The following TP63 variants were observed in gnomAD, a reference collection of about 807,000 sequenced individuals.
TP63 encodes the protein tumor protein 63.
A neutral mutation model predicts 82.8 loss-of-function variants in TP63; 17 were observed. The observed-to-expected ratio is 0.21, with a 90% CI of 0.14 to 0.31. The LOEUF (loss-of-function observed/expected upper bound fraction) is 0.31, where lower values mean the gene tolerates loss of function less well. Among genes scored for constraint, TP63 ranks in the 10% least tolerant of loss-of-function variants. The probability of loss-of-function intolerance (pLI) is 1.00; values close to 1 mark genes in which losing one functional copy is unlikely to be tolerated. For synonymous variants in TP63, 330 were observed against 321.7 expected (o/e 1.03, Z -0.28); for missense variants, 648 against 895.3 (o/e 0.72, Z 3.52).
chr3:189,868,548 A>C (rs746193666), intron 7 of TP63, 32 bp from the exon 8 acceptor site: 1 of 1,613,164 alleles, frequency 6.2e-7, no homozygotes, highest in South Asian at 1.1e-5. Context: ...CTTTGAATTT[A>C]ACTCTTTCTT....
intron 1 of TP63, among the ~76,000 whole-genome samples, chr3:189,639,444 C>T (rs1301422546): frequency 1.3e-5 from 2 of 152,150 alleles, no homozygotes; most frequent in Admixed American, 6.6e-5. Context: ...GCCTTCCATT[C>T]TCTACTTAAT....
chr3:189,730,860 A>G (rs1157869587), intron 1 of TP63, among the ~76,000 whole-genome samples: 1 of 152,118 alleles, frequency 6.6e-6, no homozygotes, highest in African/African-American at 2.4e-5. Flanking sequence ...ACTAAGTGCT[A>G]TTTTATTTTG....
chr3:189,669,737 A>G (rs556210419), intron 1 of TP63, among the ~76,000 whole-genome samples: 281 of 152,208 alleles, frequency 1.8e-3, no homozygotes, highest in African/African-American at 6.5e-3. Flanking sequence ...GAGATACAGA[A>G]TATTAGTCCT....
At chr3:189,856,213 G>C (rs1005262078) in intron 4 of TP63, among the ~76,000 whole-genome samples, 1 of 151,130 alleles carries the variant, frequency 6.6e-6, no homozygotes, top group Non-Finnish European at 1.5e-5. Context: ...ATAAGTTTGA[G>C]CTAGAAATGG....
chr3:189,682,264 TG>T (rs1715978324), intron 1 of TP63, among the ~76,000 whole-genome samples: 1 of 151,296 alleles, frequency 6.6e-6, no homozygotes, highest in Non-Finnish European at 1.5e-5. Flanking sequence ...AAATGACCAA[TG>T]CATATATGAA....
chr3:189,675,878 A>T (rs531926618), intron 1 of TP63, among the ~76,000 whole-genome samples: 1 of 152,288 alleles, frequency 6.6e-6, no homozygotes, highest in African/African-American at 2.4e-5. Context: ...TGTGTTAATT[A>T]GCTCTTCTGA....
intron 1 of TP63, among the ~76,000 whole-genome samples, chr3:189,681,567 A>G (rs375762680): frequency 3.3e-5 from 5 of 152,160 alleles, no homozygotes; most frequent in Non-Finnish European, 7.3e-5. Context: ...GCCAGGCTCT[A>G]TATTTCAGCT....
chr3:189,772,362 C>T (rs1723443247), intron 3 of TP63, among the ~76,000 whole-genome samples: 1 of 152,152 alleles, frequency 6.6e-6, no homozygotes, highest in African/African-American at 2.4e-5. Context: ...GTGATGGAGC[C>T]AGTCTAGAAT....
At chr3:189,785,942 G>A (rs1724567535) in intron 3 of TP63, among the ~76,000 whole-genome samples, 1 of 151,868 alleles carries the variant, frequency 6.6e-6, no homozygotes, top group Non-Finnish European at 1.5e-5. Flanking sequence ...TTGATTGTCA[G>A]CCCCTGTACC....
intron 1 of TP63, among the ~76,000 whole-genome samples, chr3:189,671,676 A>G (rs1215575541): frequency 6.6e-6 from 1 of 152,126 alleles, no homozygotes; most frequent in Non-Finnish European, 1.5e-5. Flanking sequence ...AGAACTTATG[A>G]TACATATACA....
At chr3:189,614,609 G>C in the TP63 span, among the ~76,000 whole-genome samples, 2 of 152,106 alleles carry the variant, frequency 1.3e-5, no homozygotes, top group South Asian at 4.1e-4. Flanking sequence ...AGTAATATGT[G>C]TACACACACA....
intron 4 of TP63, among the ~76,000 whole-genome samples, chr3:189,848,432 T>G (rs757761273): frequency 6.6e-6 from 1 of 151,726 alleles, no homozygotes; most frequent in Non-Finnish European, 1.5e-5. Flanking sequence ...TTGCCCAGAC[T>G]GGTCTCAAAT....
intron 12 of TP63, 133 bp downstream of exon 12, chr3:189,889,617 A>G (rs1720814680): frequency 1.6e-6 from 2 of 1,226,314 alleles, no homozygotes; most frequent in Non-Finnish European, 2.3e-6. Context: ...AGTCACTATT[A>G]TCTCTGATCT....
At chr3:189,651,129 T>C (rs1306953603) in intron 1 of TP63, among the ~76,000 whole-genome samples, 1 of 147,260 alleles carries the variant, frequency 6.8e-6, no homozygotes, top group Non-Finnish European at 1.5e-5. Context: ...CTGTGTGACA[T>C]TGAACTTGAG....
At chr3:189,879,494 G>A (rs1719670245) in intron 10 of TP63, among the ~76,000 whole-genome samples, 1 of 152,088 alleles carries the variant, frequency 6.6e-6, no homozygotes, top group African/African-American at 2.4e-5. Context: ...ACAGTTCTTT[G>A]TAAATGCCTG....
Position 189,790,970 on chromosome 3 carries a change from A to T in TP63, c.325-17302A>T, listed in dbSNP as rs571661314. Among the ~76,000 whole-genome samples, 12 of 152,290 alleles carry T rather than the reference A, an allele frequency of 7.9e-5. 1 individual carries two copies. The South Asian group carries it at 2.5e-3, about 32-fold the overall frequency. On this transcript the variant is annotated intron_variant, in intron 3 of 13. Coordinates refer to ENST00000264731, the MANE Select transcript of TP63 (RefSeq NM_003722.5). The stretch of plus-strand genomic sequence containing the variant: ...AATACAACAGGGGAAATATCGAGTT[A>T]TCTAAAGAAGGAAAAGGAAGTGCCT...
intron 4 of TP63, among the ~76,000 whole-genome samples, chr3:189,829,349 T>C (rs967186689): frequency 6.6e-6 from 1 of 152,198 alleles, no homozygotes; most frequent in Non-Finnish European, 1.5e-5. Flanking sequence ...TGACACTAAA[T>C]ATGAGTTTTA....
chr3:189,869,277 G>A (rs1334061597), intron 8 of TP63, 47 bp from the exon 9 acceptor site: 1 of 1,437,500 alleles, frequency 7.0e-7, no homozygotes, highest in Non-Finnish European at 9.8e-7. Context: ...ATGCATTAGT[G>A]CTTTAGAAGT....
At chr3:189,813,276 G>A (rs2108651056) in intron 4 of TP63, among the ~76,000 whole-genome samples, 1 of 152,244 alleles carries the variant, frequency 6.6e-6, no homozygotes, top group South Asian at 2.1e-4. Context: ...AAAACTAGAT[G>A]GCATGTTATA....
Sources: allele counts gnomAD v4.1 joint callset (sites outside exome capture counted in the v4.1 genomes callset), GRCh38; gene constraint gnomAD v4.1.1; transcripts MANE v1.5; gene names NCBI Gene and HGNC (gene_info 2026-07-23, HGNC 2026-07-21).